VRK2: variants seen among roughly 807,000 people sequenced by gnomAD.
VRK2 encodes VRK serine/threonine kinase 2.
In VRK2, 60 loss-of-function variants were observed where a neutral mutation model predicts 57.6. That is an observed-to-expected ratio of 1.04 (90% CI 0.85 to 1.29). The LOEUF (loss-of-function observed/expected upper bound fraction) is 1.29. VRK2 is among the 50% of genes most tolerant of loss of function. The pLI is 0.00. For synonymous variants in VRK2, 231 were observed against 199.2 expected (o/e 1.16, Z -1.35); for missense variants, 705 against 588.1 (o/e 1.20, Z -2.06).
intron 2 of VRK2, among the ~76,000 whole-genome samples, chr2:58,028,753 G>T (rs1196597117): frequency 6.6e-6 from 1 of 150,976 alleles, no homozygotes; most frequent in Admixed American, 6.6e-5. Flanking sequence ...GGGGGAGTGG[G>T]GAGGGATAGC....
At chr2:57,908,318 G>A (rs563467946) in intron 1 of VRK2, among the ~76,000 whole-genome samples, 33 of 152,048 alleles carry the variant, frequency 2.2e-4, no homozygotes, top group Non-Finnish European at 4.1e-4. Flanking sequence ...TATTTTCTAT[G>A]ATATATTATA....
At chr2:57,995,449 G>A (rs1290543798) in intron 1 of VRK2, among the ~76,000 whole-genome samples, 1 of 152,130 alleles carries the variant, frequency 6.6e-6, no homozygotes, top group Non-Finnish European at 1.5e-5. Context: ...AACAAATACT[G>A]TGAGTTGTTT....
rs574260469 is a variant in VRK2, at chr2:57,999,826, A to G, written c.-438-25839A>G. On this transcript the variant is annotated intron_variant, in intron 1 of 15. Transcript: ENST00000417641. ...GTTAAAGTAGAGTCCTTAAGCACTT[A>G]TGACACATTAAATACTTGTGTATTA... Among the ~76,000 whole-genome samples the G allele has an allele frequency of 3.3e-5, 5 of 152,332 alleles. No individual in the cohort carries two copies. The South Asian group carries it at 1.0e-3, about 32-fold the overall frequency.
intron 1 of VRK2, among the ~76,000 whole-genome samples, chr2:57,926,425 A>G (rs1438240493): frequency 9.7e-6 from 1 of 103,374 alleles, no homozygotes; most frequent in African/African-American, 4.1e-5. Flanking sequence ...TCACATATAT[A>G]TATACATATA....
At chr2:58,139,523 AT>A in intron 10 of VRK2, 142 bp from the exon 11 acceptor site, 1 of 699,606 alleles carries the variant, frequency 1.4e-6, no homozygotes, top group South Asian at 2.3e-5. Flanking sequence ...TTAAAAAGTT[AT>A]TTTCATTGAA....
Position 58,143,433 on chromosome 2 carries a change from A to G in VRK2, c.1024-2883A>G, listed in dbSNP as rs547390374. ...CACTATCATCTACTTCACTCTTACA[A>G]TAAAAGTTTCCTTAGAAATAAGATT... On this transcript the variant is annotated intron_variant, in intron 11 of 12. Transcript: ENST00000340157. Among the ~76,000 whole-genome samples the G allele has an allele frequency of 3.3e-5, 5 of 152,092 alleles. No individual in the cohort carries two copies. In the East Asian group the frequency reaches 7.7e-4, roughly 23 times the overall value.
At chr2:58,136,808 T>C (rs1680105298) in intron 10 of VRK2, among the ~76,000 whole-genome samples, 1 of 142,950 alleles carries the variant, frequency 7.0e-6, no homozygotes, top group South Asian at 2.1e-4. Flanking sequence ...TATATGTGTA[T>C]ATATATCATA....
At chr2:58,008,170 T>G (rs1336379142) in intron 1 of VRK2, among the ~76,000 whole-genome samples, 1 of 152,038 alleles carries the variant, frequency 6.6e-6, no homozygotes. Flanking sequence ...TCAATTACAG[T>G]AGAATAACTA....
chr2:58,145,016 T>C (rs7587962), intron 11 of VRK2, among the ~76,000 whole-genome samples: 5,576 of 152,072 alleles, frequency 0.037, 350 homozygotes, highest in African/African-American at 0.13. Context: ...ACTGGCTACT[T>C]CACTATTTCC....
At chr2:58,046,394 G>C, upstream of VRK2, 1 of 744,038 alleles carries the variant, frequency 1.3e-6, no homozygotes, top group Non-Finnish European at 1.6e-6. Context: ...TGGAGTCTTC[G>C]CTAGTACCAA....
At chr2:57,927,204 A>G (rs1385986775) in intron 1 of VRK2, among the ~76,000 whole-genome samples, 2 of 151,020 alleles carry the variant, frequency 1.3e-5, no homozygotes, top group African/African-American at 4.9e-5. Context: ...TGTTGTTTCT[A>G]TTTATATTTT....
intron 2 of VRK2, among the ~76,000 whole-genome samples, chr2:58,075,326 T>G (rs1669940801): frequency 1.3e-5 from 2 of 152,164 alleles, no homozygotes; most frequent in African/African-American, 4.8e-5. Context: ...TTTGCTATTG[T>G]GAATGGTGCT....
intron 1 of VRK2, among the ~76,000 whole-genome samples, chr2:57,928,139 C>T (rs1345027644): frequency 6.6e-6 from 1 of 152,134 alleles, no homozygotes; most frequent in African/African-American, 2.4e-5. Flanking sequence ...TCTCTACCTT[C>T]TCTTTAAGGC....
intron 2 of VRK2, among the ~76,000 whole-genome samples, chr2:58,077,161 G>A (rs1344564420): frequency 6.6e-6 from 1 of 151,736 alleles, no homozygotes; most frequent in African/African-American, 2.4e-5. Context: ...TATGAGCTTA[G>A]CGCTCTTTTT....
intron 1 of VRK2, among the ~76,000 whole-genome samples, chr2:57,973,410 G>A (rs1239551438): frequency 6.6e-6 from 1 of 151,780 alleles, no homozygotes; most frequent in Admixed American, 6.6e-5. Context: ...ATACATAAGT[G>A]TATCAAATTT....
Position 57,981,578 on chromosome 2 carries a change from A to G in VRK2, c.-438-44087A>G, listed in dbSNP as rs79778537. Among the ~76,000 whole-genome samples, 668 of 152,124 alleles carry G rather than the reference A, an allele frequency of 4.4e-3. 6 individuals carry two copies. Among genetic ancestry groups the G allele is most frequent in the African/African-American group, 0.016 (649 of 41,486 alleles). ...CCTGAATTTTATGATTTGCATGCCA[A>G]CCTCTGTGGTGAGACTGAGGAAGTT... is the stretch of plus-strand genomic sequence containing the variant. On this transcript the variant is annotated intron_variant, in intron 1 of 15. Coordinates refer to the VRK2 transcript ENST00000417641.
chr2:57,937,855 G>A (rs560854078), intron 1 of VRK2, among the ~76,000 whole-genome samples: 4 of 134,026 alleles, frequency 3.0e-5, no homozygotes, highest in Admixed American at 8.0e-5. Flanking sequence ...TTTTTGAGGC[G>A]GAGTCTTGCC....
At chr2:57,948,000 T>C (rs1018211096) in intron 1 of VRK2, among the ~76,000 whole-genome samples, 4 of 152,176 alleles carry the variant, frequency 2.6e-5, no homozygotes, top group Non-Finnish European at 4.4e-5. Context: ...TAAGAGAAAT[T>C]CTGACCCATC....
intron 7 of VRK2, among the ~76,000 whole-genome samples, chr2:58,114,523 C>G (rs538630804): frequency 2.6e-5 from 4 of 152,246 alleles, no homozygotes; most frequent in African/African-American, 9.6e-5. Flanking sequence ...ATGGGCTGTA[C>G]CTTGTAGCAT....
Sources: gnomAD v4.1 joint callset for allele counts (sites outside exome capture counted in the v4.1 genomes callset) on GRCh38, gnomAD v4.1.1 for gene constraint, MANE v1.5 for transcripts, NCBI Gene and HGNC (gene_info 2026-07-23, HGNC 2026-07-21) for gene names.